NCOA1: variants seen among roughly 807,000 people sequenced by gnomAD.
The protein encoded by NCOA1 is Hin-2 protein.
In NCOA1, 35 loss-of-function variants were observed where a neutral mutation model predicts 150.9. That is an observed-to-expected ratio of 0.23 (90% CI 0.18 to 0.31). The LOEUF is 0.31. NCOA1 is among the 10% of genes least tolerant of loss of function. NCOA1 has a pLI of 1.00. For missense variants in NCOA1, 1,491 were observed against 1,749.3 expected, an observed-to-expected ratio of 0.85 and a Z score of 2.63; for synonymous variants, 590 against 630.0, an observed-to-expected ratio of 0.94 and a Z score of 0.95.
chr2:24,620,184 T>C (rs1361154943), intron 3 of NCOA1, among the ~76,000 whole-genome samples: 1 of 152,190 alleles, frequency 6.6e-6, no homozygotes, highest in Non-Finnish European at 1.5e-5. Flanking sequence ...TTGGGGAGAC[T>C]CAGTTCATCT....
intron 3 of NCOA1, among the ~76,000 whole-genome samples, chr2:24,624,743 T>C (rs1054805515): frequency 1.3e-5 from 2 of 152,214 alleles, no homozygotes; most frequent in Non-Finnish European, 2.9e-5. Flanking sequence ...CGTATCAATA[T>C]AGAATATTTT....
rs201529302 is a variant in NCOA1 at position 24,658,661 on chromosome 2, G to A, written c.-17G>A. On this transcript the variant is annotated splice_region_variant and 5_prime_UTR_variant, in exon 5 of 23. In the 5' UTR this introduces an upstream ATG that the reference lacks. Transcript: ENST00000348332. ...TCTTACTGTTGTCCTTCCTGTTTAG[G>A]TGTGAAGTTTTTCAACATGAGTGGC... 1.9e-5 allele frequency: 31 copies of A among 1,609,554 alleles called. No individual in the cohort carries two copies. The African/African-American group carries it at 3.7e-4, about 19-fold the overall frequency.
rs1169007186 is a variant in NCOA1, at chr2:24,639,958, A to G, written c.-174-4008A>G. Among the ~76,000 whole-genome samples the G allele has an allele frequency of 1.5e-4, 15 of 99,372 alleles. 1 individual carries two copies. The highest frequency in any genetic ancestry group is 4.4e-4 in the African/African-American group (11 of 24,918). 65.2% of individuals were successfully genotyped at this position (99,372 alleles called of 152,430 possible). On this transcript the variant is annotated intron_variant, in intron 3 of 22. Transcript: ENST00000348332. ...TATATATATATATATATATATATAT[A>G]TATATATATATATTCAGAGTATAAA...
chr2:24,656,138 A>G (rs777812397), intron 4 of NCOA1, among the ~76,000 whole-genome samples: 67 of 151,702 alleles, frequency 4.4e-4, no homozygotes, highest in Non-Finnish European at 6.6e-4. Flanking sequence ...ATTTGCTTGC[A>G]TGCAGGATAT....
chr2:24,559,166 C>G (rs1301970481), intron 1 of NCOA1, among the ~76,000 whole-genome samples: 2 of 152,086 alleles, frequency 1.3e-5, no homozygotes, highest in Non-Finnish European at 2.9e-5. Context: ...TTTAAAGTTT[C>G]CATCTCTCTG....
intron 3 of NCOA1, among the ~76,000 whole-genome samples, chr2:24,608,245 C>CTTATTATTA (rs1266276976): frequency 7.8e-6 from 1 of 127,550 alleles, no homozygotes; most frequent in Non-Finnish European, 1.6e-5. Context: ...ACCCAGTTCC[C>CTTATTATTA]CTATTATTAT....
intron 7 of NCOA1, among the ~76,000 whole-genome samples, chr2:24,680,793 T>G (rs1323800181): frequency 6.6e-6 from 1 of 152,174 alleles, no homozygotes; most frequent in African/African-American, 2.4e-5. Flanking sequence ...ATTTGGCCAT[T>G]CTACAATGTA....
At chr2:24,576,149 G>GTCTTTTTTTT (rs1654798043) in intron 2 of NCOA1, among the ~76,000 whole-genome samples, 1 of 94,026 alleles carries the variant, frequency 1.1e-5, no homozygotes, top group Non-Finnish European at 2.0e-5. Context: ...TTTGGCCTTT[G>GTCTTTTTTTT]TTTTTTTTTT....
chr2:24,610,479 A>G (rs1668573735), intron 3 of NCOA1, among the ~76,000 whole-genome samples: 1 of 151,932 alleles, frequency 6.6e-6, no homozygotes, highest in Non-Finnish European at 1.5e-5. Context: ...ATTTCTGTGT[A>G]ACAGTTCACT....
intron 1 of NCOA1, among the ~76,000 whole-genome samples, chr2:24,533,605 T>G (rs1664992228): frequency 6.6e-6 from 1 of 152,224 alleles, no homozygotes; most frequent in Non-Finnish European, 1.5e-5. Flanking sequence ...GCTCTTATTA[T>G]TTTGAGATAT....
intron 1 of NCOA1, among the ~76,000 whole-genome samples, chr2:24,546,444 C>T (rs1665609107): frequency 6.6e-6 from 1 of 152,138 alleles, no homozygotes; most frequent in Non-Finnish European, 1.5e-5. Context: ...GAATGATGTG[C>T]ATTTTCTAAA....
At chr2:24,500,059 A>C (rs148476128) in intron 1 of NCOA1, among the ~76,000 whole-genome samples, 208 of 152,042 alleles carry the variant, frequency 1.4e-3, no homozygotes, top group African/African-American at 4.9e-3. Context: ...AAGAGCCTTA[A>C]CTCTTGGGAC....
At chr2:24,689,980 A>C (rs1334579406) in intron 8 of NCOA1, among the ~76,000 whole-genome samples, 2 of 152,192 alleles carry the variant, frequency 1.3e-5, no homozygotes, top group Non-Finnish European at 2.9e-5. Context: ...TTGTTCCCCC[A>C]ACAGAATAGA....
At chr2:24,519,879 A>G (rs1187148994) in intron 1 of NCOA1, among the ~76,000 whole-genome samples, 1 of 152,206 alleles carries the variant, frequency 6.6e-6, no homozygotes, top group African/African-American at 2.4e-5. Flanking sequence ...TTTATAAAGG[A>G]TTTAATTCCA....
intron 11 of NCOA1, among the ~76,000 whole-genome samples, chr2:24,698,706 G>A (rs1447877752): frequency 6.6e-6 from 1 of 152,070 alleles, no homozygotes; most frequent in Non-Finnish European, 1.5e-5. Flanking sequence ...GAATCTCATT[G>A]TATGGCTTTT....
chr2:24,729,609 TCTC>T lies in NCOA1; in HGVS notation c.2998_3000del (p.Pro1000del), dbSNP rs770996531. On this transcript the variant is annotated inframe_deletion, in exon 17 of 23. Transcript: ENST00000348332. ...TTATTCCCAGCCTTACTCTTCTCCTTCTCCTACTGCCAATCTCCCTAGCCCTTT... is the reference window on the plus strand; with the variant it reads ...TTATTCCCAGCCTTACTCTTCTCCTTCTACTGCCAATCTCCCTAGCCCTTT... 2 of 1,614,016 alleles carry T rather than the reference TCTC, an allele frequency of 1.2e-6. No homozygotes were observed. Among genetic ancestry groups the T allele is most frequent in the Non-Finnish European group, 1.7e-6 (2 of 1,179,928 alleles).
At chr2:24,661,703 A>G (rs1383162524) in intron 5 of NCOA1, among the ~76,000 whole-genome samples, 1 of 152,114 alleles carries the variant, frequency 6.6e-6, no homozygotes, top group African/African-American at 2.4e-5. Context: ...ACTACCCTTG[A>G]CTGTTTTTAT....
intron 14 of NCOA1, among the ~76,000 whole-genome samples, chr2:24,714,826 A>G (rs1443276896): frequency 1.3e-5 from 2 of 152,076 alleles, no homozygotes; most frequent in Non-Finnish European, 2.9e-5. Context: ...TTGTAAACCT[A>G]CAAATCCAAG....
In NCOA1 at chr2:24,683,257, A is replaced by AT. The variant is rs1359017273; in HGVS notation, c.532+135dup. On this transcript the variant is annotated intron_variant, in intron 8 of 22. Transcript: ENST00000348332. Reference sequence around the variant, plus strand: ...ATATGTTATAATATGTGTTTAAAATATTTTTTCAGTGTGGTTTCAGTCTCA... The same window carrying AT: ...ATATGTTATAATATGTGTTTAAAATATTTTTTTCAGTGTGGTTTCAGTCTCA... 5 of 547,226 alleles carry AT rather than the reference A, an allele frequency of 9.1e-6. No individual in the cohort carries two copies. The East Asian group carries it at 2.0e-4, about 22-fold the overall frequency. The allele number at this position is 547,226 out of a possible 1,614,324, so 33.9% of individuals were successfully genotyped here.
Sources: gnomAD v4.1 joint callset for allele counts (sites outside exome capture counted in the v4.1 genomes callset) on GRCh38, gnomAD v4.1.1 for gene constraint, MANE v1.5 for transcripts, NCBI Gene and HGNC (gene_info 2026-07-23, HGNC 2026-07-21) for gene names.